Variants in STXBP5 observed in about 807,000 individuals in gnomAD.
STXBP5 encodes syntaxin binding protein 5.
Under a neutral mutation model 152.4 loss-of-function variants are expected in STXBP5, and 50 were observed. The observed-to-expected ratio is 0.33, with a 90% CI of 0.26 to 0.42. STXBP5 has a LOEUF of 0.42. Ranked by LOEUF, STXBP5 falls within the 10% of genes least tolerant of loss-of-function variation. The probability of loss-of-function intolerance (pLI) is 1.00; values close to 1 mark genes in which losing one functional copy is unlikely to be tolerated. For missense variants in STXBP5, 1,167 were observed against 1,388.6 expected (o/e 0.84, Z 2.54); for synonymous variants, 492 against 494.7 (o/e 0.99, Z 0.07).
At position 147,363,409 on chromosome 6, in the gene STXBP5, G is replaced by T. The variant is rs1222176975; in HGVS notation, c.2620G>T (p.Ala874Ser). ...LDTTGCLIPPAYEPWREHNVP... is the reference protein window; with the variant it reads ...LDTTGCLIPPSYEPWREHNVP... ...TACCACAGGCTGCTTAATACCACCT[G>T]CGTATGAACCCTGGAGAGAGCACAA... The change falls in exon 24 of 28, where the codon GCG (alanine) becomes TCG (serine). Residue 874 changes from alanine (A) to serine (S), a missense_variant. This residue lies in a region of STXBP5 where 833 missense variants were observed against 986.3 expected (regional missense o/e 0.84). Coordinates refer to ENST00000321680, the MANE Select transcript of STXBP5 (RefSeq NM_001127715.4). The T allele has an allele frequency of 6.2e-7, 1 of 1,614,102 alleles. No homozygotes were observed. Among genetic ancestry groups the T allele is most frequent in the South Asian group, 1.1e-5 (1 of 91,080 alleles).
chr6:147,299,353 A>G (rs1781690991), intron 9 of STXBP5, among the ~76,000 whole-genome samples: 1 of 151,980 alleles, frequency 6.6e-6, no homozygotes, highest in African/African-American at 2.4e-5. Context: ...AGGGAATTGA[A>G]TCAGTAATAA....
intron 26 of STXBP5, among the ~76,000 whole-genome samples, chr6:147,382,437 T>C (rs373429883): frequency 6.6e-6 from 1 of 152,094 alleles, no homozygotes; most frequent in Non-Finnish European, 1.5e-5. Flanking sequence ...ATATCTTTCG[T>C]TTTTTGCACA....
At position 147,252,638 on chromosome 6, in the gene STXBP5, T is replaced by G. The variant is rs1461981657; in HGVS notation, c.432-7977T>G. The stretch of plus-strand genomic sequence containing the variant: ...AAGTGATGGGGAGAATGGAACCAAG[T>G]GGAAAAACACTCTTCAGGATATTAG... On this transcript the variant is annotated intron_variant, in intron 4 of 27. Transcript: ENST00000321680. 2.6e-5 allele frequency among the ~76,000 whole-genome samples: 4 copies of G among 152,104 alleles called. No homozygotes were observed. The East Asian group carries it at 7.7e-4, about 29-fold the overall frequency.
chr6:147,236,313 T>A (rs912788881), intron 3 of STXBP5, among the ~76,000 whole-genome samples: 2 of 152,062 alleles, frequency 1.3e-5, no homozygotes, highest in Admixed American at 6.6e-5. Context: ...AGATGTTAAA[T>A]TTTTTTTAAT....
chr6:147,239,004 T>C (rs1396493515), intron 3 of STXBP5, among the ~76,000 whole-genome samples, 166 bp from the exon 4 acceptor site: 3 of 152,238 alleles, frequency 2.0e-5, no homozygotes, highest in African/African-American at 7.2e-5. Flanking sequence ...ACGTACACTT[T>C]TTACATCTGC....
intron 9 of STXBP5, among the ~76,000 whole-genome samples, chr6:147,300,635 C>CAAAT (rs1781759956): frequency 6.6e-6 from 1 of 151,974 alleles, no homozygotes; most frequent in Non-Finnish European, 1.5e-5. Flanking sequence ...ACTCCTTTCA[C>CAAAT]CAAACACAAA....
intron 26 of STXBP5, among the ~76,000 whole-genome samples, chr6:147,378,443 T>C (rs1785917474): frequency 6.6e-6 from 1 of 151,306 alleles, no homozygotes; most frequent in African/African-American, 2.4e-5. Context: ...TATCCGTTCC[T>C]GATAGAGACT....
chr6:147,272,232 C>T (rs1262269393), intron 7 of STXBP5, among the ~76,000 whole-genome samples: 1 of 152,054 alleles, frequency 6.6e-6, no homozygotes, highest in Non-Finnish European at 1.5e-5. Context: ...GAGAAGGGCA[C>T]ACTTTGCAAC....
At chr6:147,341,168 G>A (rs1784074156) in intron 21 of STXBP5, among the ~76,000 whole-genome samples, 1 of 151,900 alleles carries the variant, frequency 6.6e-6, no homozygotes, top group African/African-American at 2.4e-5. Context: ...CCCCATTTTA[G>A]ACTGTAAAGT....
chr6:147,389,943 A>C lies in STXBP5; in HGVS notation c.*5188A>C, dbSNP rs1255249904. 1 of 151,830 alleles carries C rather than the reference A, an allele frequency of 6.6e-6. No individual in the cohort carries two copies. The highest frequency in any genetic ancestry group is 2.4e-5 in the African/African-American group (1 of 41,406). 9.4% of individuals were successfully genotyped at this position (151,830 alleles called of 1,614,324 possible). ...TGCTTTCTAGTTATACTATTGGTTC[A>C]TTGTAAATGCATTACCAAAAGACAA... On this transcript the variant is annotated 3_prime_UTR_variant, in exon 28 of 28. Transcript: ENST00000321680.
intron 26 of STXBP5, 34 bp from the exon 27 acceptor site, chr6:147,382,744 T>C: frequency 6.2e-7 from 1 of 1,600,288 alleles, no homozygotes; most frequent in Non-Finnish European, 8.5e-7. Flanking sequence ...TGTTCATGTT[T>C]TGAGTTACTC....
intron 4 of STXBP5, among the ~76,000 whole-genome samples, chr6:147,255,601 C>T (rs1311175194): frequency 6.6e-6 from 1 of 152,072 alleles, no homozygotes; most frequent in Non-Finnish European, 1.5e-5. Flanking sequence ...CTCAAGCAGT[C>T]CTCCTGCCTC....
intron 9 of STXBP5, among the ~76,000 whole-genome samples, chr6:147,303,437 A>C (rs1280661179): frequency 6.6e-6 from 1 of 152,180 alleles, no homozygotes; most frequent in Non-Finnish European, 1.5e-5. Context: ...GCCATGCTGA[A>C]CTGTGAGTCA....
rs764684701 is a variant in STXBP5, at chr6:147,324,263, G to GTTTT, written c.1803-696_1803-695insTTTT. Among the ~76,000 whole-genome samples the GTTTT allele has an allele frequency of 2.8e-3, 238 of 84,992 alleles. 17 individuals are homozygous for GTTTT. Among genetic ancestry groups the GTTTT allele is most frequent in the Admixed American group, 3.4e-3 (22 of 6,486 alleles). 55.8% of individuals were successfully genotyped at this position (84,992 alleles called of 152,430 possible). The stretch of plus-strand genomic sequence containing the variant: ...TTTAAGTTTTGTGGGGTTTTTTTTT[G>GTTTT]GTTTTTTTTTTTTTTTTTTTTTTTT... On this transcript the variant is annotated intron_variant, in intron 16 of 27. Transcript: ENST00000321680.
intron 22 of STXBP5, among the ~76,000 whole-genome samples, chr6:147,357,847 G>A (rs913883097): frequency 5.3e-5 from 8 of 152,090 alleles, no homozygotes; most frequent in Admixed American, 2.0e-4. Flanking sequence ...TGGTTTGGGG[G>A]AAATTATATG....
At chr6:147,314,668 A>G (rs1054408441) in intron 14 of STXBP5, 32 bp downstream of exon 14, 5 of 1,524,378 alleles carry the variant, frequency 3.3e-6, no homozygotes, top group Admixed American at 1.9e-5. Flanking sequence ...TATTTGTTAT[A>G]TGTTATACAA....
At chr6:147,213,346 C>T (rs755611131) in intron 2 of STXBP5, among the ~76,000 whole-genome samples, 9 of 151,226 alleles carry the variant, frequency 6.0e-5, no homozygotes, top group Non-Finnish European at 8.8e-5. Context: ...CTAGACCTCC[C>T]GGGCTCAAAC....
intron 4 of STXBP5, among the ~76,000 whole-genome samples, chr6:147,242,214 T>G (rs950347689): frequency 4.6e-5 from 7 of 151,526 alleles, no homozygotes; most frequent in Non-Finnish European, 8.9e-5. Context: ...AAAAATAAAT[T>G]AAACATATAA....
intron 16 of STXBP5, among the ~76,000 whole-genome samples, chr6:147,319,926 C>T (rs780611881): frequency 6.8e-6 from 1 of 148,116 alleles, no homozygotes; most frequent in African/African-American, 2.5e-5. Context: ...ACTGCAGCCA[C>T]GACCTCCTGG....
Sources: allele counts gnomAD v4.1 joint callset (sites outside exome capture counted in the v4.1 genomes callset), GRCh38; gene constraint gnomAD v4.1.1; regional missense constraint gnomAD v4.1.1; transcripts MANE v1.5; gene names NCBI Gene and HGNC (gene_info 2026-07-23, HGNC 2026-07-21).